The following NKX2-8 variants were observed in gnomAD, a reference collection of about 807,000 sequenced individuals.
NKX2-8 encodes NK2 homeobox 8.
Under a neutral mutation model 6.4 loss-of-function variants are expected in NKX2-8, and 8 were observed. That is an observed-to-expected ratio of 1.24 (90% confidence interval 0.73 to 2.24). The LOEUF (loss-of-function observed/expected upper bound fraction) is 2.24. Ranked by LOEUF, NKX2-8 falls within the 30% of genes most tolerant of loss-of-function variation. NKX2-8 has a pLI of 0.00. For synonymous variants in NKX2-8, 216 were observed against 171.5 expected (o/e 1.26, Z -2.03); for missense variants, 406 against 351.1 (o/e 1.16, Z -1.25).
In NKX2-8 at chr14:36,581,059, TCGCCAC is replaced by T. The variant is rs1313984041; in HGVS notation, c.557_562del (p.Gly186_Gly187del). On this transcript the variant is annotated inframe_deletion, in exon 2 of 2. Coordinates refer to ENST00000258829, the MANE Select transcript of NKX2-8 (RefSeq NM_014360.4). The surrounding 1 kb of genome is among the most constrained non-coding windows in gnomAD (Gnocchi z 5.6). The stretch of plus-strand genomic sequence containing the variant: ...CTCCTGGGCCGCGGCGGTTCCCACC[TCGCCAC>T]CGCCGCCGCCGCCGCACGGCTGCCC... The T allele has an allele frequency of 7.2e-7, 1 of 1,379,494 alleles. No homozygotes were observed. Among genetic ancestry groups the T allele is most frequent in the African/African-American group, 1.5e-5 (1 of 65,642 alleles). 85.5% of individuals were successfully genotyped at this position (1,379,494 alleles called of 1,614,324 possible).
rs1879190063 is a variant in NKX2-8 at position 36,580,707 on chromosome 14, G to A, written c.*195C>T. On this transcript the variant is annotated 3_prime_UTR_variant, in exon 2 of 2. Transcript: ENST00000258829. ...GGCTGGCGGTGGAGGGAAGGTGAGG[G>A]AGGGGGCTCTGGCACACGTCCCTCG... 1 of 399,414 alleles carries A rather than the reference G, an allele frequency of 2.5e-6. No individual in the cohort carries two copies. The highest frequency in any genetic ancestry group is 2.1e-5 in the African/African-American group (1 of 48,704). The allele number at this position is 399,414 out of a possible 1,614,324, so 24.7% of individuals were successfully genotyped here.
chr14:36,580,852 G>T lies in NKX2-8; in HGVS notation c.*50C>A. On this transcript the variant is annotated 3_prime_UTR_variant, in exon 2 of 2. Transcript: ENST00000258829. Reference sequence around the variant, plus strand: ...GTTCGGCTCCGGCCCTGCTCCAATCGCAGAGCGCGCTCCAAAGTCGAGGGT... The same window carrying T: ...GTTCGGCTCCGGCCCTGCTCCAATCTCAGAGCGCGCTCCAAAGTCGAGGGT... 1 of 1,231,106 alleles carries T rather than the reference G, an allele frequency of 8.1e-7. No individual in the cohort carries two copies. The highest frequency in any genetic ancestry group is 1.0e-6 in the Non-Finnish European group (1 of 976,654). 76.3% of individuals were successfully genotyped at this position (1,231,106 alleles called of 1,614,324 possible). A position where few individuals can be genotyped will look rare whatever the true frequency, so the allele number is the denominator to read the frequency against.
rs777149112 is a variant in NKX2-8, at chr14:36,582,426, T to C, written c.-37A>G. 2.8e-6 allele frequency: 4 copies of C among 1,448,614 alleles called. No homozygotes were observed. The Admixed American group carries it at 7.4e-5, about 27-fold the overall frequency. 89.7% of individuals were successfully genotyped at this position (1,448,614 alleles called of 1,614,324 possible). On this transcript the variant is annotated 5_prime_UTR_variant, in exon 1 of 2. Coordinates refer to ENST00000258829, the MANE Select transcript of NKX2-8 (RefSeq NM_014360.4). ...GGAAGGAGGCGGGGGCAGGGCAGGC[T>C]GGGAACGGAGGGGCGGCCGGGACGC...
rs1879176758 is a variant in NKX2-8 at position 36,580,396 on chromosome 14, C to T, written c.*506G>A. Among the ~76,000 whole-genome samples, 1 of 152,036 alleles carries T rather than the reference C, an allele frequency of 6.6e-6. No homozygotes were observed. The highest frequency in any genetic ancestry group is 2.4e-5 in the African/African-American group (1 of 41,422). ...CTGACATCACCACCCCTCCATCCCC[C>T]AGGTATCTTCCTAAAGCCGTGTCGG... is the stretch of plus-strand genomic sequence containing the variant. On this transcript the variant is annotated 3_prime_UTR_variant, in exon 2 of 2. Transcript: ENST00000258829.
Position 36,581,515 on chromosome 14 carries a change from G to C in NKX2-8, c.158-51C>G. Reference sequence around the variant, plus strand: ...TGGGTGAGACGCCGGACCCTACGAGGGCCTGCTGCCCTTCTGGCGCGGGCG... The same window carrying C: ...TGGGTGAGACGCCGGACCCTACGAGCGCCTGCTGCCCTTCTGGCGCGGGCG... On this transcript the variant is annotated intron_variant, in intron 1 of 1. Transcript: ENST00000258829. The surrounding 1 kb of genome is among the most constrained non-coding windows in gnomAD (Gnocchi z 5.6). The C allele has an allele frequency of 6.9e-7, 1 of 1,450,618 alleles. No homozygotes were observed. The highest frequency in any genetic ancestry group is 9.2e-7 in the Non-Finnish European group (1 of 1,092,812). 89.9% of individuals were successfully genotyped at this position (1,450,618 alleles called of 1,614,324 possible). A position where few individuals can be genotyped will look rare whatever the true frequency, so the allele number is the denominator to read the frequency against.
chr14:36,581,667 A>G lies in NKX2-8; in HGVS notation c.158-203T>C, dbSNP rs1436986960. On this transcript the variant is annotated intron_variant, in intron 1 of 1. Transcript: ENST00000258829. This position sits in a 1 kb window ranked among gnomAD's most constrained non-coding sequence, Gnocchi z 5.6. Reference sequence around the variant, plus strand: ...CCTCATTCATACCACAGCGGTCATCAGCGGGCCTGAGATCGTGCCCCGAAA... The same window carrying G: ...CCTCATTCATACCACAGCGGTCATCGGCGGGCCTGAGATCGTGCCCCGAAA... Among the ~76,000 whole-genome samples the G allele has an allele frequency of 6.6e-6, 1 of 152,226 alleles. No individual in the cohort carries two copies. Among genetic ancestry groups the G allele is most frequent in the African/African-American group, 2.4e-5 (1 of 41,468 alleles).
Position 36,580,680 on chromosome 14 carries a change from G to A in NKX2-8, c.*222C>T. On this transcript the variant is annotated 3_prime_UTR_variant, in exon 2 of 2. Transcript: ENST00000258829. ...AGGCCCAAGCATAAAATCTAACTCT[G>A]GGGCTGGCGGTGGAGGGAAGGTGAG... The A allele has an allele frequency of 2.5e-6, 1 of 396,694 alleles. No homozygotes were observed. Among genetic ancestry groups the A allele is most frequent in the East Asian group, 3.6e-5 (1 of 27,876 alleles). The allele number at this position is 396,694 out of a possible 1,614,324, so 24.6% of individuals were successfully genotyped here. A position where few individuals can be genotyped will look rare whatever the true frequency, so the allele number is the denominator to read the frequency against.
Position 36,580,711 on chromosome 14 carries a change from G to C in NKX2-8, c.*191C>G, listed in dbSNP as rs1203904797. ...GGCGGTGGAGGGAAGGTGAGGGAGG[G>C]GGCTCTGGCACACGTCCCTCGTGTG... On this transcript the variant is annotated 3_prime_UTR_variant, in exon 2 of 2. Transcript: ENST00000258829. The C allele has an allele frequency of 2.5e-6, 1 of 400,008 alleles. No homozygotes were observed. The highest frequency in any genetic ancestry group is 3.6e-5 in the East Asian group (1 of 27,972). The allele number at this position is 400,008 out of a possible 1,614,324, so 24.8% of individuals were successfully genotyped here. A position where few individuals can be genotyped will look rare whatever the true frequency, so the allele number is the denominator to read the frequency against.
chr14:36,581,170 G>A lies in NKX2-8; in HGVS notation c.452C>T (p.Pro151Leu). The change falls in exon 2 of 2, where the codon CCT becomes CTT. Residue 151 changes from proline (P) to leucine (L), a missense_variant. Pro to Leu is a moderately conservative substitution (Grantham distance 98). Coordinates refer to ENST00000258829, the MANE Select transcript of NKX2-8 (RefSeq NM_014360.4). This position sits in a 1 kb window ranked among gnomAD's most constrained non-coding sequence, Gnocchi z 5.6. ...CAGCTCGGCGGATGCTGCCAGGTCA[G>A]GCGACTCCGCCGCCCCTGGAGCGCG... ...RARAPGAAES[P>L]DLAASAELHA... 1 of 1,595,246 alleles carries A rather than the reference G, an allele frequency of 6.3e-7. No homozygotes were observed.
chr14:36,582,028 G>A (rs569256131), intron 1 of NKX2-8, among the ~76,000 whole-genome samples: 7 of 152,330 alleles, frequency 4.6e-5, no homozygotes, highest in Non-Finnish European at 8.8e-5. Flanking sequence ...GAGCACCAGT[G>A]CCAGGCAGGG....
Position 36,581,456 on chromosome 14 carries a change from C to T in NKX2-8, c.166G>A (p.Glu56Lys). Residue 56 changes from glutamate (E) to lysine (K), a missense_variant, in exon 2 of 2, where the codon GAG becomes AAG. Transcript: ENST00000258829. This position sits in a 1 kb window ranked among gnomAD's most constrained non-coding sequence, Gnocchi z 5.6. ...SERGHYPSSD[E>K]SSLETSPPDS... ...GGCGGGCTGGTCTCCAGGCTGCTCTCGTCCGAGGCTAGGGACAGCAAAGGA... is the reference window on the plus strand; with the variant it reads ...GGCGGGCTGGTCTCCAGGCTGCTCTTGTCCGAGGCTAGGGACAGCAAAGGA... The T allele has an allele frequency of 3.2e-6, 5 of 1,560,826 alleles. No homozygotes were observed. The highest frequency in any genetic ancestry group is 4.3e-6 in the Non-Finnish European group (5 of 1,156,406).
At position 36,581,597 on chromosome 14, in the gene NKX2-8, T is replaced by C; in HGVS notation, c.158-133A>G. ...GCCCGAGACTTTCGGGATGAGGCCATTTCCTGAGTCCACATCTGGACATCC... is the reference window on the plus strand; with the variant it reads ...GCCCGAGACTTTCGGGATGAGGCCACTTCCTGAGTCCACATCTGGACATCC... On this transcript the variant is annotated intron_variant, in intron 1 of 1. Transcript: ENST00000258829. The surrounding 1 kb of genome is among the most constrained non-coding windows in gnomAD (Gnocchi z 5.6). The C allele has an allele frequency of 1.4e-6, 1 of 730,228 alleles. No homozygotes were observed. Among genetic ancestry groups the C allele is most frequent in the Non-Finnish European group, 2.2e-6 (1 of 450,888 alleles). 45.2% of individuals were successfully genotyped at this position (730,228 alleles called of 1,614,324 possible).
chr14:36,580,807 G>T lies in NKX2-8; in HGVS notation c.*95C>A, dbSNP rs989369113. 5.3e-6 allele frequency: 5 copies of T among 938,222 alleles called. No homozygotes were observed. Among genetic ancestry groups the T allele is most frequent in the Non-Finnish European group, 7.0e-6 (5 of 717,992 alleles). 58.1% of individuals were successfully genotyped at this position (938,222 alleles called of 1,614,324 possible). A position where few individuals can be genotyped will look rare whatever the true frequency, so the allele number is the denominator to read the frequency against. The stretch of plus-strand genomic sequence containing the variant: ...CAAGGAGATGGGGCTGCAGGGAGGC[G>T]GACGGAGAGCGTTCCAGGCGTTCGG... On this transcript the variant is annotated 3_prime_UTR_variant, in exon 2 of 2. Coordinates refer to ENST00000258829, the MANE Select transcript of NKX2-8 (RefSeq NM_014360.4).
chr14:36,581,065 C>T lies in NKX2-8; in HGVS notation c.557G>A (p.Gly186Asp). ...RDGQPCGGGG[G>D]GEVGTAAAQE... ...GGCCGCGGCGGTTCCCACCTCGCCACCGCCGCCGCCGCCGCACGGCTGCCC... is the reference window on the plus strand; with the variant it reads ...GGCCGCGGCGGTTCCCACCTCGCCATCGCCGCCGCCGCCGCACGGCTGCCC... Residue 186 changes from glycine (G) to aspartate (D), a missense_variant, in exon 2 of 2, where the codon GGT becomes GAT. By Grantham distance (94) the Gly-to-Asp change is moderately conservative. Coordinates refer to ENST00000258829, the MANE Select transcript of NKX2-8 (RefSeq NM_014360.4). This position sits in a 1 kb window ranked among gnomAD's most constrained non-coding sequence, Gnocchi z 5.6. The T allele has an allele frequency of 7.4e-7, 1 of 1,348,500 alleles. No individual in the cohort carries two copies. Among genetic ancestry groups the T allele is most frequent in the Non-Finnish European group, 9.4e-7 (1 of 1,058,450 alleles). The allele number at this position is 1,348,500 out of a possible 1,614,324, so 83.5% of individuals were successfully genotyped here.
rs760700947 is a variant in NKX2-8 at position 36,581,117 on chromosome 14, C to A, written c.505G>T (p.Val169Leu). ...TCGCGAACAAGCACCGGCACCACCA[C>A]GCGACGCAGCAGGCCGGGCGCGGCG... ...LHAAPGLLRR[V>L]VVPVLVRDGQ... is the part of the protein sequence containing the mutation. The change falls in exon 2 of 2, where the codon GTG becomes TTG. Residue 169 changes from valine to leucine, a missense_variant. Val to Leu is a conservative substitution (Grantham distance 32, BLOSUM62 1). Coordinates refer to ENST00000258829, the MANE Select transcript of NKX2-8 (RefSeq NM_014360.4). The surrounding 1 kb of genome is among the most constrained non-coding windows in gnomAD (Gnocchi z 5.6). The A allele has an allele frequency of 6.8e-7, 1 of 1,477,576 alleles. No individual in the cohort carries two copies. The highest frequency in any genetic ancestry group is 8.9e-7 in the Non-Finnish European group (1 of 1,125,918). The allele number at this position is 1,477,576 out of a possible 1,614,324, so 91.5% of individuals were successfully genotyped here.
At chr14:36,582,164 T>G (rs1879263474) in intron 1 of NKX2-8, 69 bp downstream of exon 1, 1 of 1,490,372 alleles carries the variant, frequency 6.7e-7, no homozygotes, top group Non-Finnish European at 9.1e-7. Context: ...CCTCGTGGGC[T>G]GGGCCCTTGA....
rs1345736497 is a variant in NKX2-8, at chr14:36,581,386, G to A, written c.236C>T (p.Ser79Leu). The A allele has an allele frequency of 1.3e-6, 2 of 1,595,012 alleles. No homozygotes were observed. Among genetic ancestry groups the A allele is most frequent in the South Asian group, 1.1e-5 (1 of 88,342 alleles). ...RPSARPASPGSDAEKRKKRRV... is the reference protein window; with the variant it reads ...RPSARPASPGLDAEKRKKRRV... ...CCGCTTCTTCCTTTTCTCGGCGTCC[G>A]AGCCCGGAGACGCGGGCCTAGCGGA... Residue 79 changes from serine (S) to leucine (L), a missense_variant, in exon 2 of 2, where the codon TCG becomes TTG. Ser to Leu is a moderately radical substitution (Grantham distance 145, BLOSUM62 -2). Coordinates refer to ENST00000258829, the MANE Select transcript of NKX2-8 (RefSeq NM_014360.4). This position sits in a 1 kb window ranked among gnomAD's most constrained non-coding sequence, Gnocchi z 5.6.
chr14:36,581,102 G>A lies in NKX2-8; in HGVS notation c.520C>T (p.Leu174Phe). 2.8e-6 allele frequency: 4 copies of A among 1,447,746 alleles called. No individual in the cohort carries two copies. The highest frequency in any genetic ancestry group is 3.6e-6 in the Non-Finnish European group (4 of 1,112,678). 89.7% of individuals were successfully genotyped at this position (1,447,746 alleles called of 1,614,324 possible). A position where few individuals can be genotyped will look rare whatever the true frequency, so the allele number is the denominator to read the frequency against. The change falls in exon 2 of 2, where the codon CTT becomes TTT. Residue 174 changes from leucine to phenylalanine, a missense_variant. Coordinates refer to ENST00000258829, the MANE Select transcript of NKX2-8 (RefSeq NM_014360.4). The surrounding 1 kb of genome is among the most constrained non-coding windows in gnomAD (Gnocchi z 5.6). ...GLLRRVVVPV[L>F]VRDGQPCGGG... is the part of the protein sequence containing the mutation. ...CCGCACGGCTGCCCGTCGCGAACAA[G>A]CACCGGCACCACCACGCGACGCAGC...
Position 36,581,011 on chromosome 14 carries a change from G to A in NKX2-8, c.611C>T (p.Ala204Val), listed in dbSNP as rs1879207417. 7.4e-7 allele frequency: 1 copy of A among 1,347,916 alleles called. No homozygotes were observed. Among genetic ancestry groups the A allele is most frequent in the East Asian group, 2.9e-5 (1 of 34,070 alleles). 83.5% of individuals were successfully genotyped at this position (1,347,916 alleles called of 1,614,324 possible). A position where few individuals can be genotyped will look rare whatever the true frequency, so the allele number is the denominator to read the frequency against. The stretch of plus-strand genomic sequence containing the variant: ...AGGGTAGCCCGGCAGAGGGCAGGCG[G>A]CGGCTGGAGGGGCGCCGCACTTCTC... Reference protein sequence around the residue: ...AQEKCGAPPAAACPLPGYPAF... With the variant: ...AQEKCGAPPAVACPLPGYPAF... Residue 204 changes from alanine to valine, a missense_variant, in exon 2 of 2, where the codon GCC becomes GTC. By Grantham distance (64) the Ala-to-Val change is moderately conservative. Coordinates refer to ENST00000258829, the MANE Select transcript of NKX2-8 (RefSeq NM_014360.4). The surrounding 1 kb of genome is among the most constrained non-coding windows in gnomAD (Gnocchi z 5.6).
Sources: gnomAD v4.1 joint callset for allele counts (sites outside exome capture counted in the v4.1 genomes callset) on GRCh38, gnomAD v4.1.1 for gene constraint, Gnocchi (gnomAD v3.1) non-coding constraint, MANE v1.5 for transcripts, NCBI Gene and HGNC (gene_info 2026-07-23, HGNC 2026-07-21) for gene names.